Variants in ADGRL3 observed in about 807,000 individuals in gnomAD.
ADGRL3 encodes the protein adhesion G protein-coupled receptor L3.
ADGRL3 carries 62 observed loss-of-function variants against 153.5 expected under a neutral mutation model. The ratio of observed to expected loss-of-function variants is 0.40; its 90% confidence interval spans 0.33 to 0.50. The LOEUF is 0.50. ADGRL3 is among the 20% of genes least tolerant of loss of function. The pLI, the probability that ADGRL3 is intolerant of heterozygous loss-of-function variation, is 0.47. For synonymous variants in ADGRL3, 710 were observed against 672.5 expected (o/e 1.06, Z -0.86); for missense variants, 1,641 against 1,859.4 (o/e 0.88, Z 2.16).
chr4:61,671,430 T>C (rs1313654085), intron 5 of ADGRL3, among the ~76,000 whole-genome samples: 1 of 152,158 alleles, frequency 6.6e-6, no homozygotes, highest in Non-Finnish European at 1.5e-5. Context: ...TTAGTGCTAA[T>C]AGCTAATAGA....
chr4:61,685,508 C>T (rs1355501819), intron 6 of ADGRL3, among the ~76,000 whole-genome samples: 1 of 152,014 alleles, frequency 6.6e-6, no homozygotes, highest in Admixed American at 6.6e-5. Context: ...GATGAAATAT[C>T]TGAAGAGGCT....
chr4:61,746,620 C>A (rs982106508), intron 8 of ADGRL3, among the ~76,000 whole-genome samples: 6 of 151,986 alleles, frequency 3.9e-5, no homozygotes, highest in African/African-American at 9.7e-5. Context: ...GGGTACATAA[C>A]GAAATGAAGG....
chr4:61,470,183 T>A (rs992993447), intron 2 of ADGRL3, among the ~76,000 whole-genome samples: 1 of 152,030 alleles, frequency 6.6e-6, no homozygotes, highest in African/African-American at 2.4e-5. Flanking sequence ...CATAATACAA[T>A]GGATAAAATT....
intron 2 of ADGRL3, among the ~76,000 whole-genome samples, chr4:61,480,510 G>A (rs1216729101): frequency 6.6e-6 from 1 of 152,082 alleles, no homozygotes; most frequent in Non-Finnish European, 1.5e-5. Flanking sequence ...AGCAAAGGTG[G>A]CATGGTGGCT....
At chr4:62,006,683 T>C (rs1481251505) in intron 21 of ADGRL3, among the ~76,000 whole-genome samples, 1 of 151,790 alleles carries the variant, frequency 6.6e-6, no homozygotes, top group Non-Finnish European at 1.5e-5. Flanking sequence ...ATTATCCTGG[T>C]TTTCTAAAAT....
chr4:61,750,810 A>AAAAAAAAAAAAAAAAG lies in ADGRL3; in HGVS notation c.1399+17258_1399+17259insAAAAAAAAAAAAAGAA, dbSNP rs746270309. ...GTCTCAAAAAAGAAAAAAAAAAAAA[A>AAAAAAAAAAAAAAAAG]AAGTCAAAGCAGATAAGCTAAAGGA... On this transcript the variant is annotated intron_variant, in intron 8 of 26. Transcript: ENST00000683033. 2.7e-4 allele frequency among the ~76,000 whole-genome samples: 39 copies of AAAAAAAAAAAAAAAAG among 147,150 alleles called. 1 individual carries two copies. The highest frequency in any genetic ancestry group is 8.7e-4 in the African/African-American group (33 of 37,716).
At chr4:62,026,838 A>C (rs1183337908) in intron 21 of ADGRL3, among the ~76,000 whole-genome samples, 1 of 152,056 alleles carries the variant, frequency 6.6e-6, no homozygotes, top group East Asian at 1.9e-4. Context: ...ATTGATAACT[A>C]TGTGAGATGA....
intron 9 of ADGRL3, among the ~76,000 whole-genome samples, chr4:61,849,393 C>T (rs1464569986): frequency 2.6e-5 from 4 of 152,142 alleles, no homozygotes; most frequent in East Asian, 3.9e-4. Context: ...TTCCTTACTA[C>T]ACAGCCTCAC....
intron 4 of ADGRL3, among the ~76,000 whole-genome samples, chr4:61,538,006 C>A (rs1368771665): frequency 6.6e-6 from 1 of 152,148 alleles, no homozygotes; most frequent in Admixed American, 6.6e-5. Flanking sequence ...TGCCTGAGAG[C>A]TGGTACAATC....
rs1016489271 is a variant in ADGRL3 at position 61,280,943 on chromosome 4, A to G, written c.-240+79178A>G. On this transcript the variant is annotated intron_variant, in intron 1 of 26. Coordinates refer to ENST00000683033, the MANE Select transcript of ADGRL3 (RefSeq NM_001387552.1). The stretch of plus-strand genomic sequence containing the variant: ...ATGAATCAGTCACCTAATATGACCT[A>G]ATTTTTTTTGAAGAAACATATTGAT... Among the ~76,000 whole-genome samples the G allele has an allele frequency of 2.6e-5, 4 of 152,116 alleles. No individual in the cohort carries two copies. In the East Asian group the frequency reaches 7.7e-4, roughly 29 times the overall value.
chr4:61,829,878 T>C (rs1276097155), intron 9 of ADGRL3, among the ~76,000 whole-genome samples: 2 of 152,090 alleles, frequency 1.3e-5, no homozygotes, highest in Non-Finnish European at 2.9e-5. Flanking sequence ...TAATAATTAA[T>C]GTTCCTGGCT....
intron 1 of ADGRL3, among the ~76,000 whole-genome samples, chr4:61,370,126 C>G (rs1271214909): frequency 6.6e-6 from 1 of 151,762 alleles, no homozygotes; most frequent in Non-Finnish European, 1.5e-5. Context: ...CTCTTTTTTT[C>G]TTTATTAGTC....
intron 2 of ADGRL3, among the ~76,000 whole-genome samples, chr4:61,463,020 T>C (rs2097842505): frequency 6.6e-6 from 1 of 151,962 alleles, no homozygotes; most frequent in African/African-American, 2.4e-5. Flanking sequence ...CTTCTAAAGG[T>C]GAAATAGGTT....
chr4:61,454,735 C>T (rs1288381542), intron 2 of ADGRL3, among the ~76,000 whole-genome samples: 1 of 151,916 alleles, frequency 6.6e-6, no homozygotes, highest in Non-Finnish European at 1.5e-5. Context: ...TAACTTTTGT[C>T]TATGCAAGAC....
chr4:61,469,449 G>T (rs2097919800), intron 2 of ADGRL3, among the ~76,000 whole-genome samples: 1 of 152,018 alleles, frequency 6.6e-6, no homozygotes. Flanking sequence ...AAGCTCTCAT[G>T]ACCCATGTAG....
At chr4:61,430,411 A>G (rs760507182) in intron 2 of ADGRL3, among the ~76,000 whole-genome samples, 1 of 152,194 alleles carries the variant, frequency 6.6e-6, no homozygotes, top group African/African-American at 2.4e-5. Context: ...AGAATAAAAT[A>G]TACATGAACT....
chr4:61,232,637 T>C (rs1751194871), intron 1 of ADGRL3, among the ~76,000 whole-genome samples: 1 of 152,082 alleles, frequency 6.6e-6, no homozygotes, highest in East Asian at 1.9e-4. Context: ...AAGAACAAGC[T>C]TACTCATTTT....
At chr4:61,502,423 G>A (rs1292424024) in intron 3 of ADGRL3, among the ~76,000 whole-genome samples, 5 of 151,314 alleles carry the variant, frequency 3.3e-5, no homozygotes, top group East Asian at 1.9e-4. Flanking sequence ...GTTTTATAGC[G>A]TCTTCACAGA....
intron 17 of ADGRL3, among the ~76,000 whole-genome samples, chr4:61,963,702 T>C (rs1396406002): frequency 1.3e-5 from 2 of 152,184 alleles, no homozygotes; most frequent in Non-Finnish European, 2.9e-5. Context: ...TTTGCTATTA[T>C]GAATAGTGGA....
Sources: gnomAD v4.1 joint callset for allele counts (sites outside exome capture counted in the v4.1 genomes callset) on GRCh38, gnomAD v4.1.1 for gene constraint, MANE v1.5 for transcripts, NCBI Gene and HGNC (gene_info 2026-07-23, HGNC 2026-07-21) for gene names.